SMG9: variants seen among roughly 807,000 people sequenced by gnomAD.
SMG9 encodes the protein SMG9 nonsense mediated mRNA decay factor.
A neutral mutation model predicts 64.0 loss-of-function variants in SMG9; 55 were observed. That is an observed-to-expected ratio of 0.86 (90% CI 0.69 to 1.08). SMG9 has a LOEUF of 1.08. Among genes scored for constraint, SMG9 ranks in the 50% least tolerant of loss-of-function variants. SMG9 has a pLI of 0.00. For synonymous variants in SMG9, 244 were observed against 254.8 expected (o/e 0.96, Z 0.41); for missense variants, 554 against 681.3 (o/e 0.81, Z 2.08).
intron 6 of SMG9, among the ~76,000 whole-genome samples, chr19:43,744,306 C>T (rs1310222852): frequency 2.0e-5 from 3 of 152,192 alleles, no homozygotes; most frequent in South Asian, 2.1e-4. Flanking sequence ...TTTCTCAGAT[C>T]GTATCAGCTA....
At chr19:43,732,705 A>T in intron 13 of SMG9, 153 bp downstream of exon 13, 1 of 871,748 alleles carries the variant, frequency 1.1e-6, no homozygotes, top group Non-Finnish European at 1.8e-6. Context: ...TGAGATGCTT[A>T]CAAGACAGTA....
At position 43,744,791 on chromosome 19, in the gene SMG9, T is replaced by C; in HGVS notation, c.682A>G (p.Thr228Ala). 2.5e-6 allele frequency: 4 copies of C among 1,613,632 alleles called. No individual in the cohort carries two copies. The highest frequency in any genetic ancestry group is 1.1e-5 in the South Asian group (1 of 91,044). ...CCTCACCTCTGGTCCTCCTCTGGAGTGTTGGCTGACAACAATGACATGACC... is the reference window on the plus strand; with the variant it reads ...CCTCACCTCTGGTCCTCCTCTGGAGCGTTGGCTGACAACAATGACATGACC... Reference protein sequence around the residue: ...SMVMSLLSANTPEEDQRTYVF... With the variant: ...SMVMSLLSANAPEEDQRTYVF... The change falls in exon 6 of 14, where the codon ACT (threonine) becomes GCT (alanine). Residue 228 changes from threonine (T) to alanine (A), a missense_variant. Physicochemically the swap from Thr to Ala is moderately conservative, Grantham distance 58. Transcript: ENST00000270066.
Position 43,740,100 on chromosome 19 carries a change from C to A in SMG9, c.813+7G>T. 6.3e-7 allele frequency: 1 copy of A among 1,596,548 alleles called. No individual in the cohort carries two copies. The highest frequency in any genetic ancestry group is 8.6e-7 in the Non-Finnish European group (1 of 1,164,320). ...CAGGGTGGGGCAAAGGCAGGCGGGG[C>A]TGGCACCTGTGTGTCCAGGAAAACA... On this transcript the variant is annotated splice_region_variant and intron_variant, in intron 7 of 13. Transcript: ENST00000270066.
At chr19:43,743,899 A>G (rs1968918385) in intron 6 of SMG9, among the ~76,000 whole-genome samples, 1 of 152,240 alleles carries the variant, frequency 6.6e-6, no homozygotes, top group Admixed American at 6.5e-5. Flanking sequence ...CTTTACAAAA[A>G]AACAGATCCC....
At chr19:43,740,027 G>A (rs766860166) in intron 7 of SMG9, 80 bp downstream of exon 7, 1 of 1,010,554 alleles carries the variant, frequency 9.9e-7, no homozygotes, top group East Asian at 2.4e-5. Flanking sequence ...ATCCACGCAG[G>A]GTTCTGGCTT....
intron 10 of SMG9, 134 bp downstream of exon 10, chr19:43,734,255 C>T: frequency 1.5e-6 from 1 of 688,170 alleles, no homozygotes; most frequent in South Asian, 1.8e-5. Flanking sequence ...GACTTTGCTC[C>T]TCACAACTCT....
intron 10 of SMG9, 40 bp downstream of exon 10, chr19:43,734,349 T>C: frequency 1.3e-6 from 2 of 1,494,850 alleles, no homozygotes; most frequent in Non-Finnish European, 1.8e-6. Flanking sequence ...CCCTCATTTT[T>C]CCTCCTGCCC....
Position 43,737,602 on chromosome 19 carries a change from G to A in SMG9, c.990C>T (p.Leu330=), listed in dbSNP as rs761729459. Residue 330 remains leucine, a synonymous_variant, in exon 9 of 14, where the codon CTC becomes CTT. Transcript: ENST00000270066. ...VVQDWFTDLS[L]YRFLQTAEMV... ...CCAACCCCTCAGCTCCTCACCTGTA[G>A]AGACTGAGGTCTGTGAACCAGTCCT... 6.2e-7 allele frequency: 1 copy of A among 1,613,518 alleles called. No homozygotes were observed. The highest frequency in any genetic ancestry group is 1.1e-5 in the South Asian group (1 of 90,976).
At chr19:43,746,884 T>G (rs1969029524) in intron 5 of SMG9, among the ~76,000 whole-genome samples, 2 of 151,754 alleles carry the variant, frequency 1.3e-5, no homozygotes, top group Non-Finnish European at 2.9e-5. Context: ...TGCAATGTCA[T>G]GATCACAGCT....
intron 5 of SMG9, among the ~76,000 whole-genome samples, chr19:43,746,639 G>A (rs1030504308): frequency 2.6e-5 from 4 of 151,888 alleles, no homozygotes; most frequent in East Asian, 1.9e-4. Flanking sequence ...GCAGGGGTGT[G>A]ACAGGTCTAG....
At chr19:43,741,647 C>G (rs1028476281) in intron 6 of SMG9, among the ~76,000 whole-genome samples, 2 of 152,074 alleles carry the variant, frequency 1.3e-5, no homozygotes, top group African/African-American at 4.8e-5. Flanking sequence ...CCTACCACTC[C>G]CCTTCTAAGG....
In SMG9 at chr19:43,733,019, G is replaced by C. The variant is rs766863332; in HGVS notation, c.1340-17C>G. 2 of 1,600,740 alleles carry C rather than the reference G, an allele frequency of 1.2e-6. No homozygotes were observed. Among genetic ancestry groups the C allele is most frequent in the East Asian group, 4.5e-5 (2 of 44,820 alleles). On this transcript the variant is annotated splice_polypyrimidine_tract_variant and intron_variant, in intron 12 of 13. Coordinates refer to ENST00000270066, the MANE Select transcript of SMG9 (RefSeq NM_019108.4). ...AACCAGGTCCTGGAAAGTTGGGGCAGGGAGGGTAAGAGGGATAGACTGCCA... is the reference window on the plus strand; with the variant it reads ...AACCAGGTCCTGGAAAGTTGGGGCACGGAGGGTAAGAGGGATAGACTGCCA...
chr19:43,741,247 G>A (rs1245137676), intron 6 of SMG9, among the ~76,000 whole-genome samples: 2 of 152,200 alleles, frequency 1.3e-5, no homozygotes, highest in African/African-American at 2.4e-5. Flanking sequence ...CCCTGGAGAG[G>A]GAAATGACAA....
At chr19:43,746,469 T>C (rs1440830479) in intron 5 of SMG9, among the ~76,000 whole-genome samples, 1 of 152,150 alleles carries the variant, frequency 6.6e-6, no homozygotes, top group Admixed American at 6.5e-5. Context: ...GTTTGGTTTT[T>C]TGTTGTTGTT....
At position 43,747,461 on chromosome 19, in the gene SMG9, C is replaced by G. The variant is rs1969050838; in HGVS notation, c.569G>C (p.Trp190Ser). The G allele has an allele frequency of 6.2e-7, 1 of 1,613,924 alleles. No individual in the cohort carries two copies. The highest frequency in any genetic ancestry group is 8.5e-7 in the Non-Finnish European group (1 of 1,180,040). The change falls in exon 5 of 14, where the codon TGG becomes TCG. Residue 190 changes from tryptophan to serine, a missense_variant. Trp to Ser is a radical substitution (Grantham distance 177). Transcript: ENST00000270066. ...SIKLVDDQMNWCDSAIEYLLD... is the reference protein window; with the variant it reads ...SIKLVDDQMNSCDSAIEYLLD... ...CGGTACCTCGATGGCACTGTCACAC[C>G]AATTCATCTGGTCATCCACCAACTT...
At chr19:43,736,429 G>GT (rs146494291) in intron 9 of SMG9, among the ~76,000 whole-genome samples, 2,988 of 152,242 alleles carry the variant, frequency 0.02, 89 homozygotes, top group African/African-American at 0.069. Context: ...CCTCCCAGCG[G>GT]TCTCCTGGGG....
rs1466394108 is a variant in SMG9, at chr19:43,750,764, G to A, written c.-6-17C>T. On this transcript the variant is annotated splice_polypyrimidine_tract_variant and intron_variant, in intron 1 of 13. Coordinates refer to ENST00000270066, the MANE Select transcript of SMG9 (RefSeq NM_019108.4). ...CATGGTTACCTATGGAGGGAATGAG[G>A]GGATTTCAGGATGACAGAGTCTCTT... 25 of 1,592,718 alleles carry A rather than the reference G, an allele frequency of 1.6e-5. No individual in the cohort carries two copies. Among genetic ancestry groups the A allele is most frequent in the Non-Finnish European group, 1.8e-5 (21 of 1,167,446 alleles).
In SMG9 at chr19:43,734,488, G is replaced by A; in HGVS notation, c.1003C>T (p.Gln335Ter). The A allele has an allele frequency of 6.4e-7, 1 of 1,556,560 alleles. No homozygotes were observed. The highest frequency in any genetic ancestry group is 8.7e-7 in the Non-Finnish European group (1 of 1,149,518). ...FTDLSLYRFL[Q>*]TAEMVKPSTP... ...GAGGGCTTCACCATCTCTGCTGTCTGCAGGAACCTTGGGGTTTGGGGTGAG... is the reference window on the plus strand; with the variant it reads ...GAGGGCTTCACCATCTCTGCTGTCTACAGGAACCTTGGGGTTTGGGGTGAG... The change falls in exon 10 of 14, where the codon CAG becomes TAG. Residue 335 changes from glutamine to a stop codon, truncating the protein, a stop_gained. Coordinates refer to ENST00000270066, the MANE Select transcript of SMG9 (RefSeq NM_019108.4). LOFTEE classifies it high-confidence loss of function.
chr19:43,734,525 C>G, intron 9 of SMG9, 30 bp from the exon 10 acceptor site: 1 of 1,462,622 alleles, frequency 6.8e-7, no homozygotes, highest in Non-Finnish European at 9.4e-7. Context: ...GGCTGTTGCT[C>G]TTGCACTTGC....
Sources: allele counts gnomAD v4.1 joint callset (sites outside exome capture counted in the v4.1 genomes callset), GRCh38; gene constraint gnomAD v4.1.1; transcripts MANE v1.5; gene names NCBI Gene and HGNC (gene_info 2026-07-23, HGNC 2026-07-21).